The following LRRC75B variants were observed in gnomAD, a reference collection of about 807,000 sequenced individuals.
LRRC75B encodes leucine rich repeat containing 75B, also known as leucine-rich repeat-containing protein 75B.
Under a neutral mutation model 16.5 loss-of-function variants are expected in LRRC75B, and 20 were observed. That is an observed-to-expected ratio of 1.21 (90% CI 0.85 to 1.76). LRRC75B has a LOEUF of 1.76. LRRC75B is among the 40% of genes most tolerant of loss of function. The pLI, the probability that LRRC75B is intolerant of heterozygous loss-of-function variation, is 0.00. For missense variants in LRRC75B, 406 were observed against 417.0 expected, an observed-to-expected ratio of 0.97 and a Z score of 0.23; for synonymous variants, 199 against 198.1, an observed-to-expected ratio of 1.00 and a Z score of -0.04.
intron 2 of LRRC75B, chr22:24,589,239 G>A: frequency 7.9e-7 from 1 of 1,266,724 alleles, no homozygotes; most frequent in South Asian, 1.3e-5. Context: ...ACATCTGCAG[G>A]TGCTGTCAGC....
Position 24,585,851 on chromosome 22 carries a change from A to G in LRRC75B, c.*35T>C. On this transcript the variant is annotated 3_prime_UTR_variant, in exon 4 of 4. Coordinates refer to ENST00000318753, the MANE Select transcript of LRRC75B (RefSeq NM_207644.3). The stretch of plus-strand genomic sequence containing the variant: ...CCACTATCATGTGCTTGAGAGCATC[A>G]CAAGTCAGTAGCAATGAGCCAGGTG... 6.6e-7 allele frequency: 1 copy of G among 1,522,762 alleles called. No individual in the cohort carries two copies. 94.3% of individuals were successfully genotyped at this position (1,522,762 alleles called of 1,614,324 possible). A position where few individuals can be genotyped will look rare whatever the true frequency, so the allele number is the denominator to read the frequency against.
chr22:24,591,083 G>C (rs2045553860), intron 1 of LRRC75B, among the ~76,000 whole-genome samples: 1 of 152,106 alleles, frequency 6.6e-6, no homozygotes. Flanking sequence ...TCTTTCAGAG[G>C]GTCTCTTTGT....
intron 1 of LRRC75B, 127 bp downstream of exon 1, chr22:24,592,736 G>C: frequency 7.7e-7 from 1 of 1,299,990 alleles, no homozygotes; most frequent in Non-Finnish European, 9.8e-7. Flanking sequence ...GCGCGCGCCA[G>C]AGACCAGCTC....
intron 3 of LRRC75B, among the ~76,000 whole-genome samples, chr22:24,586,840 C>G (rs1281117424): frequency 6.6e-6 from 1 of 152,244 alleles, no homozygotes; most frequent in East Asian, 1.9e-4. Flanking sequence ...CCCAAACTGT[C>G]ACTTTCTAAG....
At chr22:24,586,442 A>G in intron 3 of LRRC75B, 31 bp from the exon 4 acceptor site, 1 of 1,581,948 alleles carries the variant, frequency 6.3e-7, no homozygotes, top group Non-Finnish European at 8.6e-7. Context: ...GGGATGGACT[A>G]GGCAACCAGG....
At chr22:24,586,608 G>T (rs577404294) in intron 3 of LRRC75B, among the ~76,000 whole-genome samples, 197 bp from the exon 4 acceptor site, 3 of 152,212 alleles carry the variant, frequency 2.0e-5, no homozygotes, top group African/African-American at 7.2e-5. Context: ...CTCGGCTTAC[G>T]GCAACCTCTG....
chr22:24,589,956 G>T lies in LRRC75B; in HGVS notation c.178-7C>A. The T allele has an allele frequency of 6.3e-7, 1 of 1,581,446 alleles. No individual in the cohort carries two copies. ...TCCTCTCAAGGCCCAGGTCCTGTGAGTGGTGAAGAGAGAGTTGAGTGAGCC... is the reference window on the plus strand; with the variant it reads ...TCCTCTCAAGGCCCAGGTCCTGTGATTGGTGAAGAGAGAGTTGAGTGAGCC... On this transcript the variant is annotated splice_polypyrimidine_tract_variant and splice_region_variant and intron_variant, in intron 1 of 3. Transcript: ENST00000318753.
At chr22:24,586,552 A>C in intron 3 of LRRC75B, 141 bp from the exon 4 acceptor site, 1 of 999,130 alleles carries the variant, frequency 1.0e-6, no homozygotes, top group Non-Finnish European at 1.5e-6. Flanking sequence ...ATTTTTTGAG[A>C]CAAAGTTTCG....
At position 24,588,213 on chromosome 22, in the gene LRRC75B, C is replaced by A. The variant is rs758721109; in HGVS notation, c.422+1G>T. 6.2e-7 allele frequency: 1 copy of A among 1,610,940 alleles called. No homozygotes were observed. The highest frequency in any genetic ancestry group is 8.5e-7 in the Non-Finnish European group (1 of 1,178,600). ...AGGGGCAGTGGCTGGGCTACCCTTA[C>A]CAGCTCTGGGTCTTCCTCTGGCGCA... On this transcript the variant is annotated splice_donor_variant, in intron 3 of 3. Coordinates refer to ENST00000318753, the MANE Select transcript of LRRC75B (RefSeq NM_207644.3). LOFTEE classifies it high-confidence loss of function.
At chr22:24,588,470 C>T in intron 2 of LRRC75B, 141 bp from the exon 3 acceptor site, 1 of 759,602 alleles carries the variant, frequency 1.3e-6, no homozygotes, top group Non-Finnish European at 2.2e-6. Flanking sequence ...ACCAGGGCCT[C>T]CCCCTCCTAC....
chr22:24,592,919 TG>T lies in LRRC75B; in HGVS notation c.120del (p.Thr41ArgfsTer51). The stretch of plus-strand genomic sequence containing the variant: ...CGCTCCGGCCGCCGCTCGCGGAGCG[TG>T]GACTGGATCTCGCGGAGCCACCGCA... ...RRVRWLREIQSTLRERRPERA... is the reference protein window; with the variant it reads ...RRVRWLREIQXTLRERRPERA... On this transcript the variant is annotated frameshift_variant, in exon 1 of 4. Coordinates refer to ENST00000318753, the MANE Select transcript of LRRC75B (RefSeq NM_207644.3). LOFTEE classifies it high-confidence loss of function. 7.9e-7 allele frequency: 1 copy of T among 1,265,698 alleles called. No homozygotes were observed. The highest frequency in any genetic ancestry group is 1.0e-6 in the Non-Finnish European group (1 of 1,004,070). 78.4% of individuals were successfully genotyped at this position (1,265,698 alleles called of 1,614,324 possible).
intron 3 of LRRC75B, among the ~76,000 whole-genome samples, chr22:24,587,957 A>G (rs2045447532): frequency 6.6e-6 from 1 of 152,064 alleles, no homozygotes; most frequent in Non-Finnish European, 1.5e-5. Flanking sequence ...CCAGGGATTG[A>G]GGGATGTATG....
chr22:24,586,351 G>A lies in LRRC75B; in HGVS notation c.483C>T (p.Ile161=). ...LAGETVDLSG[I]PLSTQDVQHI... ...GTTGCACGTCCTGTGTCGACAGCGG[G>A]ATGCCTGAGAGGTCCACAGTCTCCC... is the stretch of plus-strand genomic sequence containing the variant. The change falls in exon 4 of 4, where the codon ATC becomes ATT. Residue 161 remains isoleucine, a synonymous_variant. Transcript: ENST00000318753. The A allele has an allele frequency of 6.2e-7, 1 of 1,613,906 alleles. No individual in the cohort carries two copies. The highest frequency in any genetic ancestry group is 1.6e-4 in the Middle Eastern group (1 of 6,062).
At chr22:24,589,018 C>G (rs1483718425) in intron 2 of LRRC75B, 1 of 1,024,358 alleles carries the variant, frequency 9.8e-7, no homozygotes, top group Non-Finnish European at 1.2e-6. Flanking sequence ...GCAGCACACA[C>G]AGCAGCTGCA....
Position 24,585,771 on chromosome 22 carries a change from T to G in LRRC75B, c.*115A>C. 3.6e-6 allele frequency: 4 copies of G among 1,109,934 alleles called. No individual in the cohort carries two copies. Among genetic ancestry groups the G allele is most frequent in the Non-Finnish European group, 5.0e-6 (4 of 800,514 alleles). The allele number at this position is 1,109,934 out of a possible 1,614,324, so 68.8% of individuals were successfully genotyped here. A position where few individuals can be genotyped will look rare whatever the true frequency, so the allele number is the denominator to read the frequency against. The stretch of plus-strand genomic sequence containing the variant: ...TTCTTCTGTCCCCTTAATCTCAGGC[T>G]GAGCATTTACACTGGATTTCTGGGG... On this transcript the variant is annotated 3_prime_UTR_variant, in exon 4 of 4. Transcript: ENST00000318753.
Position 24,585,843 on chromosome 22 carries a change from A to C in LRRC75B, c.*43T>G. ...TTCATCGCCCACTATCATGTGCTTG[A>C]GAGCATCACAAGTCAGTAGCAATGA... On this transcript the variant is annotated 3_prime_UTR_variant, in exon 4 of 4. Transcript: ENST00000318753. The C allele has an allele frequency of 1.3e-6, 2 of 1,500,058 alleles. No individual in the cohort carries two copies. Among genetic ancestry groups the C allele is most frequent in the Non-Finnish European group, 1.8e-6 (2 of 1,122,088 alleles). 92.9% of individuals were successfully genotyped at this position (1,500,058 alleles called of 1,614,324 possible).
intron 1 of LRRC75B, 51 bp downstream of exon 1, chr22:24,592,812 C>A: frequency 7.9e-7 from 1 of 1,266,120 alleles, no homozygotes; most frequent in South Asian, 2.2e-5. Context: ...CCCCCAGACC[C>A]CCAGACCCTC....
chr22:24,585,782 A>G lies in LRRC75B; in HGVS notation c.*104T>C, dbSNP rs1270443962. On this transcript the variant is annotated 3_prime_UTR_variant, in exon 4 of 4. Coordinates refer to ENST00000318753, the MANE Select transcript of LRRC75B (RefSeq NM_207644.3). ...CCTTAATCTCAGGCTGAGCATTTAC[A>G]CTGGATTTCTGGGGGCCTGTGAGTC... The G allele has an allele frequency of 8.5e-6, 10 of 1,182,642 alleles. No homozygotes were observed. In the Admixed American group the frequency reaches 2.7e-4, roughly 32 times the overall value. The allele number at this position is 1,182,642 out of a possible 1,614,324, so 73.3% of individuals were successfully genotyped here. A position where few individuals can be genotyped will look rare whatever the true frequency, so the allele number is the denominator to read the frequency against.
At chr22:24,589,511 C>A in intron 2 of LRRC75B, 1 of 489,452 alleles carries the variant, frequency 2.0e-6, no homozygotes, top group Non-Finnish European at 3.0e-6. Flanking sequence ...CGCAGGGTCC[C>A]CATATGACTT....
Sources: allele counts gnomAD v4.1 joint callset (sites outside exome capture counted in the v4.1 genomes callset), GRCh38; gene constraint gnomAD v4.1.1; transcripts MANE v1.5; gene names NCBI Gene and HGNC (gene_info 2026-07-23, HGNC 2026-07-21).